The following LYRM4 variants were observed in gnomAD, a reference collection of about 807,000 sequenced individuals.
LYRM4 encodes LYR motif containing 4.
LYRM4 carries 9 observed loss-of-function variants against 11.7 expected under a neutral mutation model. The observed-to-expected ratio is 0.77, with a 90% CI of 0.46 to 1.34. The LOEUF (loss-of-function observed/expected upper bound fraction) is 1.34. Ranked by LOEUF, LYRM4 falls within the 40% of genes most tolerant of loss-of-function variation. The pLI, the probability that LYRM4 is intolerant of heterozygous loss-of-function variation, is 0.00. For synonymous variants in LYRM4, 42 were observed against 40.4 expected (o/e 1.04, Z -0.15); for missense variants, 133 against 112.5 (o/e 1.18, Z -0.82).
chr6:5,110,866 G>C (rs969175808), intron 2 of LYRM4, among the ~76,000 whole-genome samples: 1 of 152,154 alleles, frequency 6.6e-6, no homozygotes, highest in Non-Finnish European at 1.5e-5. Context: ...TGCGTTTCTC[G>C]CAACCTGCAG....
At chr6:5,186,908 AG>A in intron 2 of LYRM4, 1 of 434,596 alleles carries the variant, frequency 2.3e-6, no homozygotes, top group Non-Finnish European at 3.5e-6. Flanking sequence ...TGCTTGAACC[AG>A]GGAGGCAGAG....
chr6:5,142,854 C>G (rs951240316), intron 2 of LYRM4, among the ~76,000 whole-genome samples: 1 of 152,206 alleles, frequency 6.6e-6, no homozygotes, highest in Non-Finnish European at 1.5e-5. Flanking sequence ...TTCTGGAATG[C>G]CTTTCCCTAA....
chr6:5,169,167 G>A (rs892851477), intron 2 of LYRM4, among the ~76,000 whole-genome samples: 3 of 152,034 alleles, frequency 2.0e-5, no homozygotes, highest in Non-Finnish European at 2.9e-5. Context: ...GGGCTCAAGC[G>A]ACTCTCCTGC....
At chr6:5,109,993 GCCTGCACCTCCTGCCTTCTATCTTT>G (rs775851836) in intron 2 of LYRM4, among the ~76,000 whole-genome samples, 3 of 152,218 alleles carry the variant, frequency 2.0e-5, no homozygotes, top group African/African-American at 4.8e-5. Flanking sequence ...TTGTCTGAGT[GCCTGCACCTCCTGCCTTCTATCTTT>G]CCTGCCCCCT....
chr6:5,185,204 A>G (rs1265267346), intron 2 of LYRM4, among the ~76,000 whole-genome samples: 2 of 152,366 alleles, frequency 1.3e-5, no homozygotes, highest in African/African-American at 2.4e-5. Flanking sequence ...ATATGTGTCC[A>G]ATGAATGAAT....
At chr6:5,247,298 A>C (rs1764239629) in intron 1 of LYRM4, among the ~76,000 whole-genome samples, 1 of 152,230 alleles carries the variant, frequency 6.6e-6, no homozygotes, top group South Asian at 2.1e-4. Context: ...GAAACAGAAC[A>C]CTAGACTACC....
Position 5,247,799 on chromosome 6 carries a change from T to TA in LYRM4, c.86+12848dup, listed in dbSNP as rs1229311992. Among the ~76,000 whole-genome samples, 9 of 151,562 alleles carry TA rather than the reference T, an allele frequency of 5.9e-5. No homozygotes were observed. The East Asian group carries it at 1.6e-3, about 26-fold the overall frequency. On this transcript the variant is annotated intron_variant, in intron 1 of 2. Transcript: ENST00000330636. ...ATGAGGGCAGCAGCCATCCATTAAA[T>TA]AAAAAAAAATTACTCTGAGAGCAGA...
At chr6:5,069,479 TA>T in the LYRM4 span, among the ~76,000 whole-genome samples, 7 of 149,602 alleles carry the variant, frequency 4.7e-5, no homozygotes, top group East Asian at 3.9e-4. Context: ...TTTATATATA[TA>T]TATTTTTTTG....
At chr6:5,210,207 G>A (rs1274699070) in intron 2 of LYRM4, among the ~76,000 whole-genome samples, 4 of 152,206 alleles carry the variant, frequency 2.6e-5, no homozygotes, top group Admixed American at 1.3e-4. Flanking sequence ...ACCAGGCATA[G>A]AGTAATTCAG....
rs1361069978 is a variant in LYRM4, at chr6:5,109,590, G to C, written c.208-99C>G. 4.0e-6 allele frequency: 5 copies of C among 1,262,256 alleles called. No homozygotes were observed. The East Asian group carries it at 1.2e-4, about 30-fold the overall frequency. The allele number at this position is 1,262,256 out of a possible 1,614,324, so 78.2% of individuals were successfully genotyped here. On this transcript the variant is annotated intron_variant, in intron 2 of 2. Transcript: ENST00000330636. Reference sequence around the variant, plus strand: ...CCTAACATTTCTAATACAAACGTCGGCCATCCCAGGGCTGCTCCCTTCCGG... The same window carrying C: ...CCTAACATTTCTAATACAAACGTCGCCCATCCCAGGGCTGCTCCCTTCCGG...
At chr6:5,238,041 G>A (rs547248619) in intron 1 of LYRM4, among the ~76,000 whole-genome samples, 6 of 152,128 alleles carry the variant, frequency 3.9e-5, no homozygotes, top group African/African-American at 1.4e-4. Flanking sequence ...CCGTGCTCCT[G>A]GCTGCTTACT....
intron 2 of LYRM4, among the ~76,000 whole-genome samples, chr6:5,133,972 G>A (rs1323112037): frequency 6.6e-6 from 1 of 152,154 alleles, no homozygotes; most frequent in African/African-American, 2.4e-5. Context: ...ATTCCATTGC[G>A]TGGAAATACC....
At chr6:5,120,128 C>T (rs1240928693) in intron 2 of LYRM4, among the ~76,000 whole-genome samples, 1 of 152,118 alleles carries the variant, frequency 6.6e-6, no homozygotes, top group East Asian at 1.9e-4. Context: ...ATCTCCTGAC[C>T]TCGGGATCCA....
chr6:5,257,954 G>A (rs1314731515), intron 1 of LYRM4, among the ~76,000 whole-genome samples: 2 of 152,210 alleles, frequency 1.3e-5, no homozygotes, highest in Non-Finnish European at 1.5e-5. Flanking sequence ...GGATGGGAGT[G>A]GAAGCTGTGG....
chr6:5,170,817 G>A lies in LYRM4; in HGVS notation c.207+45801C>T, dbSNP rs550290432. 7.9e-5 allele frequency among the ~76,000 whole-genome samples: 12 copies of A among 152,242 alleles called. No homozygotes were observed. The South Asian group carries it at 1.2e-3, about 16-fold the overall frequency. ...ATTCTACTTCTAATAATCTATCCTAGTGAACAAAGATATAGGATTCACAAA... is the reference window on the plus strand; with the variant it reads ...ATTCTACTTCTAATAATCTATCCTAATGAACAAAGATATAGGATTCACAAA... On this transcript the variant is annotated intron_variant, in intron 2 of 2. Coordinates refer to ENST00000330636, the MANE Select transcript of LYRM4 (RefSeq NM_020408.6).
rs140603480 is a variant in LYRM4, at chr6:5,164,298, A to C, written c.207+52320T>G. Among the ~76,000 whole-genome samples the C allele has an allele frequency of 6.4e-3, 977 of 152,320 alleles. 7 individuals are homozygous for C. Among genetic ancestry groups the C allele is most frequent in the African/African-American group, 0.022 (923 of 41,562 alleles). On this transcript the variant is annotated intron_variant, in intron 2 of 2. Coordinates refer to ENST00000330636, the MANE Select transcript of LYRM4 (RefSeq NM_020408.6). Reference sequence around the variant, plus strand: ...ACATTGGCACTATTCACACTAGCCCAAAACTGGAAACCCCCCAAATGCCCA... The same window carrying C: ...ACATTGGCACTATTCACACTAGCCCCAAACTGGAAACCCCCCAAATGCCCA...
chr6:5,247,898 T>C (rs1764264626), intron 1 of LYRM4, among the ~76,000 whole-genome samples: 1 of 152,174 alleles, frequency 6.6e-6, no homozygotes, highest in Admixed American at 6.5e-5. Context: ...TTATAATTAA[T>C]CGGCAAATTA....
intron 2 of LYRM4, among the ~76,000 whole-genome samples, chr6:5,151,169 C>T (rs189236298): frequency 5.8e-4 from 88 of 151,886 alleles, no homozygotes; most frequent in African/African-American, 2.0e-3. Flanking sequence ...CTGCAACCTC[C>T]GCCTCCTGGG....
chr6:5,132,117 T>C (rs1007037691), intron 2 of LYRM4, among the ~76,000 whole-genome samples: 2 of 152,214 alleles, frequency 1.3e-5, no homozygotes, highest in African/African-American at 4.8e-5. Flanking sequence ...GCATCTCATC[T>C]CTTAACCTCC....
Sources: allele counts gnomAD v4.1 joint callset (sites outside exome capture counted in the v4.1 genomes callset), GRCh38; gene constraint gnomAD v4.1.1; transcripts MANE v1.5; gene names NCBI Gene and HGNC (gene_info 2026-07-23, HGNC 2026-07-21).